ADGRB2: variants seen among roughly 807,000 people sequenced by gnomAD.
The protein encoded by ADGRB2 is adhesion G protein-coupled receptor B2, also known as brain-specific angiogenesis inhibitor 2.
In ADGRB2, 47 loss-of-function variants were observed where a neutral mutation model predicts 178.7. The observed-to-expected ratio is 0.26, with a 90% CI of 0.21 to 0.34. The LOEUF is 0.34. Among genes scored for constraint, ADGRB2 ranks in the 10% least tolerant of loss-of-function variants. The pLI is 1.00. For missense variants in ADGRB2, 1,584 were observed against 2,180.8 expected (o/e 0.73, Z 5.45); for synonymous variants, 870 against 912.4 (o/e 0.95, Z 0.84).
chr1:31,735,025 C>CA lies in ADGRB2; in HGVS notation c.3452+157_3452+158insT, dbSNP rs1269060491. Among the ~76,000 whole-genome samples, 4 of 152,182 alleles carry CA rather than the reference C, an allele frequency of 2.6e-5. No homozygotes were observed. The highest frequency in any genetic ancestry group is 2.6e-4 in the Admixed American group (4 of 15,292). ...CCACTCCTCATCGCCTTGGCCACCT[C>CA]TTGCCGAGCCCTTGAGAGTGTGTGG... On this transcript the variant is annotated intron_variant, in intron 25 of 32. Transcript: ENST00000373658. The surrounding 1 kb of genome is among the most constrained non-coding windows in gnomAD (Gnocchi z 6.0).
rs762958586 is a variant in ADGRB2 at position 31,735,871 on chromosome 1, C to T, written c.3223G>A (p.Gly1075Ser). ...GGGCCCACAAAGGCGTAGAGCAGGC[C>T]GCCCTCCAGGGAGAGCCAGCAGCTG... The part of the protein sequence containing the change: ...SSYCWLSLEG[G>S]LLYAFVGPAA... The change falls in exon 23 of 33, where the codon GGC (glycine) becomes AGC (serine). Residue 1075 changes from glycine to serine, a missense_variant. Gly to Ser is a moderately conservative substitution (Grantham distance 56). Coordinates refer to ENST00000373658, the MANE Select transcript of ADGRB2 (RefSeq NM_001364857.2). This position sits in a 1 kb window ranked among gnomAD's most constrained non-coding sequence, Gnocchi z 6.0. The T allele has an allele frequency of 6.9e-6, 11 of 1,604,092 alleles. No homozygotes were observed. The highest frequency in any genetic ancestry group is 1.1e-5 in the South Asian group (1 of 89,490).
intron 4 of ADGRB2, among the ~76,000 whole-genome samples, chr1:31,748,495 A>G (rs900048164): frequency 6.6e-6 from 1 of 152,304 alleles, no homozygotes; most frequent in South Asian, 2.1e-4. Context: ...ACACTTAGTC[A>G]GCACACACTG....
rs755819895 is a variant in ADGRB2, at chr1:31,731,114, G to A, written c.4066C>T (p.Arg1356Trp). Residue 1356 changes from arginine to tryptophan, a missense_variant, in exon 29 of 33, where the codon CGG becomes TGG. Arg to Trp is a moderately radical substitution (Grantham distance 101). Around this residue, in one of 3 missense-constraint regions of ADGRB2, gnomAD observed 865 missense variants for 1,192.8 expected, o/e 0.73. Coordinates refer to ENST00000373658, the MANE Select transcript of ADGRB2 (RefSeq NM_001364857.2). ...GSEGDYMVLP[R>W]RTLSLQPGGG... is the part of the protein sequence containing the mutation. Reference sequence around the variant, plus strand: ...CCAGGCTGCAGGCTCAAAGTCCGCCGGGGCAGCACCATGTAGTCTCCCTCA... The same window carrying A: ...CCAGGCTGCAGGCTCAAAGTCCGCCAGGGCAGCACCATGTAGTCTCCCTCA... 7 of 1,583,926 alleles carry A rather than the reference G, an allele frequency of 4.4e-6. No homozygotes were observed. Among genetic ancestry groups the A allele is most frequent in the Non-Finnish European group, 5.1e-6 (6 of 1,165,712 alleles).
chr1:31,735,290 C>T lies in ADGRB2; in HGVS notation c.3354-9G>A, dbSNP rs569306596. 3.3e-5 allele frequency: 48 copies of T among 1,472,372 alleles called. No homozygotes were observed. The highest frequency in any genetic ancestry group is 1.5e-4 in the African/African-American group (11 of 71,352). 91.2% of individuals were successfully genotyped at this position (1,472,372 alleles called of 1,614,324 possible). A position where few individuals can be genotyped will look rare whatever the true frequency, so the allele number is the denominator to read the frequency against. ...AGGGGCACCGCTCCGACCTCGGGGGCGGCACAGACATGGGAGAAGGAGGGG... is the reference window on the plus strand; with the variant it reads ...AGGGGCACCGCTCCGACCTCGGGGGTGGCACAGACATGGGAGAAGGAGGGG... On this transcript the variant is annotated splice_polypyrimidine_tract_variant and intron_variant, in intron 24 of 32. Transcript: ENST00000373658. The surrounding 1 kb of genome is among the most constrained non-coding windows in gnomAD (Gnocchi z 6.0).
chr1:31,739,724 A>T (rs1346792712), intron 14 of ADGRB2, 89 bp from the exon 15 acceptor site: 6 of 1,425,176 alleles, frequency 4.2e-6, no homozygotes, highest in Non-Finnish European at 1.9e-6. Context: ...TAGGGGAAAC[A>T]CGTACCAGGA....
rs773731356 is a variant in ADGRB2 at position 31,741,373 on chromosome 1, T to C, written c.1794A>G (p.Ser598=). The part of the protein sequence containing the change: ...ISHEYRYLYL[S]LREHLAKGQR... ...CCCCAGCCCAGCAGGGTGCACTCAC[T>C]GACAGATACAGGTAGCGGTACTCAT... Residue 598 remains serine (S), a splice_region_variant and synonymous_variant, in exon 11 of 33, where the codon TCA becomes TCG. Transcript: ENST00000373658. This position sits in a 1 kb window ranked among gnomAD's most constrained non-coding sequence, Gnocchi z 6.5. 6.3e-7 allele frequency: 1 copy of C among 1,598,640 alleles called. No individual in the cohort carries two copies. The highest frequency in any genetic ancestry group is 8.5e-7 in the Non-Finnish European group (1 of 1,172,718).
Position 31,728,553 on chromosome 1 carries a change from A to G in ADGRB2, c.4416+45T>C. The G allele has an allele frequency of 6.2e-7, 1 of 1,613,096 alleles. No individual in the cohort carries two copies. Among genetic ancestry groups the G allele is most frequent in the Admixed American group, 1.7e-5 (1 of 60,020 alleles). ...AGGAGTGAGCCCTCCAGGGACAGAC[A>G]CCACAGCCAGATGTCCCACCGCCCA... is the stretch of plus-strand genomic sequence containing the variant. On this transcript the variant is annotated intron_variant, in intron 30 of 32. Transcript: ENST00000373658. This position sits in a 1 kb window ranked among gnomAD's most constrained non-coding sequence, Gnocchi z 6.7.
chr1:31,752,334 A>T (rs1254106661), intron 4 of ADGRB2, among the ~76,000 whole-genome samples: 1 of 152,072 alleles, frequency 6.6e-6, no homozygotes, highest in Non-Finnish European at 1.5e-5. Context: ...ACAGAGCCCC[A>T]CCAGCACAGA....
At position 31,743,012 on chromosome 1, in the gene ADGRB2, A is replaced by G. The variant is rs1195855606; in HGVS notation, c.1088-10T>C. ...TCCCACACGCCGTGCACTGCAAGGA[A>G]GCACGTGGCCGGTGGCTGGGCGGCA... On this transcript the variant is annotated splice_polypyrimidine_tract_variant and intron_variant, in intron 6 of 32. Coordinates refer to ENST00000373658, the MANE Select transcript of ADGRB2 (RefSeq NM_001364857.2). The G allele has an allele frequency of 6.9e-7, 1 of 1,443,802 alleles. No individual in the cohort carries two copies. Among genetic ancestry groups the G allele is most frequent in the Non-Finnish European group, 9.2e-7 (1 of 1,092,830 alleles). 89.4% of individuals were successfully genotyped at this position (1,443,802 alleles called of 1,614,324 possible).
At chr1:31,731,441 AG>A in intron 28 of ADGRB2, 22 bp from the exon 29 acceptor site, 3 of 1,559,926 alleles carry the variant, frequency 1.9e-6, no homozygotes, top group South Asian at 1.2e-5. Context: ...AGTGGGAGGG[AG>A]GGGGTGAGTC....
chr1:31,741,476 G>A lies in ADGRB2; in HGVS notation c.1691C>T (p.Ser564Phe). The change falls in exon 11 of 33, where the codon TCT becomes TTT. Residue 564 changes from serine (S) to phenylalanine (F), a missense_variant. Transcript: ENST00000373658. This position sits in a 1 kb window ranked among gnomAD's most constrained non-coding sequence, Gnocchi z 6.5. ...YNKCPPNASG[S>F]ASRRCLLSAQ... Reference sequence around the variant, plus strand: ...ACTGAGGAGACAGCGGCGGCTGGCAGACCCTGCAGGGCAATAGGACAGAGG... The same window carrying A: ...ACTGAGGAGACAGCGGCGGCTGGCAAACCCTGCAGGGCAATAGGACAGAGG... 6.3e-7 allele frequency: 1 copy of A among 1,588,490 alleles called. No individual in the cohort carries two copies. The highest frequency in any genetic ancestry group is 8.6e-7 in the Non-Finnish European group (1 of 1,167,216).
chr1:31,736,689 A>T lies in ADGRB2; in HGVS notation c.3014T>A (p.Phe1005Tyr). Residue 1005 changes from phenylalanine (F) to tyrosine (Y), a missense_variant, in exon 21 of 33, where the codon TTC becomes TAC. Coordinates refer to ENST00000373658, the MANE Select transcript of ADGRB2 (RefSeq NM_001364857.2). ...CCAGCAAAAGGAGGAGAGAAAGAAG[A>T]AGTGCAGGAAGGCAGCCGTCATGGT... Reference protein sequence around the residue: ...VCTMTAAFLHFFFLSSFCWVL... With the variant: ...VCTMTAAFLHYFFLSSFCWVL... 6.2e-7 allele frequency: 1 copy of T among 1,613,976 alleles called. No individual in the cohort carries two copies. Among genetic ancestry groups the T allele is most frequent in the East Asian group, 2.2e-5 (1 of 44,864 alleles).
chr1:31,732,302 AG>A, intron 27 of ADGRB2, 148 bp from the exon 28 acceptor site: 1 of 1,277,994 alleles, frequency 7.8e-7, no homozygotes, highest in Non-Finnish European at 1.1e-6. Flanking sequence ...AGCAGAGCCC[AG>A]GCATGGCCTA....
In ADGRB2 at chr1:31,727,373, TAG is replaced by T. The variant is rs1645039428; in HGVS notation, c.*45_*46del. On this transcript the variant is annotated 3_prime_UTR_variant, in exon 33 of 33. Transcript: ENST00000373658. The surrounding 1 kb of genome is among the most constrained non-coding windows in gnomAD (Gnocchi z 4.4). Reference sequence around the variant, plus strand: ...GTAGTTCCAAAGTGGAGTGTGAAAATAGAGAGATATATATATTTATATGCAGT... The same window carrying T: ...GTAGTTCCAAAGTGGAGTGTGAAAATAGAGATATATATATTTATATGCAGT... The T allele has an allele frequency of 1.3e-6, 2 of 1,527,080 alleles. No homozygotes were observed. The highest frequency in any genetic ancestry group is 1.7e-6 in the Non-Finnish European group (2 of 1,146,968). 94.6% of individuals were successfully genotyped at this position (1,527,080 alleles called of 1,614,324 possible).
intron 4 of ADGRB2, among the ~76,000 whole-genome samples, chr1:31,747,281 C>T (rs1055238322): frequency 6.6e-6 from 1 of 152,056 alleles, no homozygotes; most frequent in African/African-American, 2.4e-5. Flanking sequence ...TTTCACTGCA[C>T]GTGCTCCCCA....
intron 14 of ADGRB2, 78 bp downstream of exon 14, chr1:31,739,848 G>T: frequency 7.3e-7 from 1 of 1,370,412 alleles, no homozygotes; most frequent in Non-Finnish European, 1.0e-6. Flanking sequence ...ATACAAATAC[G>T]GGGTTAGGTA....
At chr1:31,747,049 G>A (rs1017710412) in intron 4 of ADGRB2, among the ~76,000 whole-genome samples, 2 of 152,144 alleles carry the variant, frequency 1.3e-5, no homozygotes, top group African/African-American at 4.8e-5. Flanking sequence ...TCTGCTGAAC[G>A]TGCTCTTGAT....
intron 1 of ADGRB2, among the ~76,000 whole-genome samples, chr1:31,762,829 G>C (rs1647081066): frequency 6.6e-6 from 1 of 152,190 alleles, no homozygotes; most frequent in Non-Finnish European, 1.5e-5. Flanking sequence ...GGGGGCGCCA[G>C]AGGACGCCCA....
rs924282252 is a variant in ADGRB2, at chr1:31,742,053, C to T, written c.1417G>A (p.Ala473Thr). 1 of 1,606,170 alleles carries T rather than the reference C, an allele frequency of 6.2e-7. No homozygotes were observed. Among genetic ancestry groups the T allele is most frequent in the African/African-American group, 1.3e-5 (1 of 74,838 alleles). ...TRECSNLECP[A>T]TDSKWGPWNA... The stretch of plus-strand genomic sequence containing the variant: ...TGCCACCACTGTGCCAAGCACTCAC[C>T]CGGGCACTCGAGGTTGCTGCACTCC... The change falls in exon 8 of 33, where the codon GCC becomes ACC. Residue 473 changes from alanine to threonine, a missense_variant and splice_region_variant. Transcript: ENST00000373658.
Sources: gnomAD v4.1 joint callset for allele counts (sites outside exome capture counted in the v4.1 genomes callset) on GRCh38, gnomAD v4.1.1 for gene constraint, gnomAD v4.1.1 regional missense constraint, Gnocchi (gnomAD v3.1) non-coding constraint, MANE v1.5 for transcripts, NCBI Gene and HGNC (gene_info 2026-07-23, HGNC 2026-07-21) for gene names.